Variants in ABHD17B observed in about 807,000 individuals in gnomAD.
ABHD17B encodes abhydrolase domain containing 17B, depalmitoylase, also known as alpha/beta hydrolase domain-containing protein 17B.
ABHD17B carries 9 observed loss-of-function variants against 26.2 expected under a neutral mutation model. The ratio of observed to expected loss-of-function variants is 0.34; its 90% CI spans 0.21 to 0.60. The LOEUF (loss-of-function observed/expected upper bound fraction) is 0.60. ABHD17B is among the 20% of genes least tolerant of loss of function. The pLI is 0.80. For synonymous variants in ABHD17B, 127 were observed against 122.3 expected, an observed-to-expected ratio of 1.04 and a Z score of -0.25; for missense variants, 224 against 352.1, an observed-to-expected ratio of 0.64 and a Z score of 2.91.
chr9:71,884,634 GAAA>G (rs752668193), intron 1 of ABHD17B, among the ~76,000 whole-genome samples: 2 of 131,534 alleles, frequency 1.5e-5, no homozygotes, highest in Admixed American at 7.7e-5. Flanking sequence ...AGGTTGAAGG[GAAA>G]AAAAAAAAAA....
At chr9:71,896,068 T>C (rs1013076677) in intron 1 of ABHD17B, among the ~76,000 whole-genome samples, 6 of 152,226 alleles carry the variant, frequency 3.9e-5, no homozygotes, top group African/African-American at 1.2e-4. Context: ...TATCTTAATT[T>C]CTATTCAGAA....
intron 1 of ABHD17B, among the ~76,000 whole-genome samples, chr9:71,903,364 C>T (rs1035316539): frequency 4.6e-5 from 7 of 152,018 alleles, no homozygotes; most frequent in African/African-American, 1.4e-4. Flanking sequence ...CAACAATCTA[C>T]GTATTTTTGC....
chr9:71,866,292 C>G lies in ABHD17B; in HGVS notation c.*495G>C. On this transcript the variant is annotated 3_prime_UTR_variant, in exon 4 of 4. Coordinates refer to ENST00000333421, the MANE Select transcript of ABHD17B (RefSeq NM_001025780.3). ...ACTTTAAACCTCTATCCCTGTACAACAGGGTTTAGGTTAATTCTAGTGAAC... is the reference window on the plus strand; with the variant it reads ...ACTTTAAACCTCTATCCCTGTACAAGAGGGTTTAGGTTAATTCTAGTGAAC... 1.0e-6 allele frequency: 1 copy of G among 987,746 alleles called. No individual in the cohort carries two copies. The highest frequency in any genetic ancestry group is 1.2e-6 in the Non-Finnish European group (1 of 830,888). 61.2% of individuals were successfully genotyped at this position (987,746 alleles called of 1,614,324 possible). A position where few individuals can be genotyped will look rare whatever the true frequency, so the allele number is the denominator to read the frequency against.
At chr9:71,897,991 C>T (rs1335798174) in intron 1 of ABHD17B, among the ~76,000 whole-genome samples, 1 of 152,068 alleles carries the variant, frequency 6.6e-6, no homozygotes, top group Non-Finnish European at 1.5e-5. Context: ...TCTTTTCATA[C>T]ATTTTTTTTC....
chr9:71,889,349 A>G (rs1404390475), intron 1 of ABHD17B, among the ~76,000 whole-genome samples: 3 of 151,926 alleles, frequency 2.0e-5, no homozygotes, highest in East Asian at 1.9e-4. Flanking sequence ...CGCATGTTAC[A>G]CTATTTTTTA....
In ABHD17B at chr9:71,870,182, T is replaced by C. The variant is rs770016937; in HGVS notation, c.548A>G (p.Tyr183Cys). 1.9e-6 allele frequency: 3 copies of C among 1,614,108 alleles called. No individual in the cohort carries two copies. The highest frequency in any genetic ancestry group is 2.5e-6 in the Non-Finnish European group (3 of 1,179,972). The change falls in exon 3 of 4, where the codon TAT (tyrosine) becomes TGT (cysteine). Residue 183 changes from tyrosine to cysteine, a missense_variant. By Grantham distance (194) the Tyr-to-Cys change is radical. Coordinates refer to ENST00000333421, the MANE Select transcript of ABHD17B (RefSeq NM_001025780.3). ...TVPSVDLAARYESAAVILHSP... is the reference protein window; with the variant it reads ...TVPSVDLAARCESAAVILHSP... The stretch of plus-strand genomic sequence containing the variant: ...ATGAAGAATAACAGCAGCACTCTCA[T>C]ATCGAGCAGCAAGATCCACAGACGG...
chr9:71,903,069 C>A (rs376919157), intron 1 of ABHD17B, among the ~76,000 whole-genome samples: 1 of 152,082 alleles, frequency 6.6e-6, no homozygotes, highest in East Asian at 1.9e-4. Flanking sequence ...AAATCCTACC[C>A]TTTTAATGTG....
chr9:71,862,892 G>A (rs1408366804), downstream of ABHD17B, among the ~76,000 whole-genome samples: 2 of 151,916 alleles, frequency 1.3e-5, no homozygotes, highest in Non-Finnish European at 2.9e-5. Flanking sequence ...TCCCACCTCA[G>A]ACTCTTAAGT....
At chr9:71,881,132 TTGGC>T (rs1451644387) in intron 1 of ABHD17B, among the ~76,000 whole-genome samples, 5 of 152,190 alleles carry the variant, frequency 3.3e-5, no homozygotes, top group African/African-American at 1.2e-4. Context: ...CAGAATGCTA[TTGGC>T]ATAAGGACAA....
intron 1 of ABHD17B, among the ~76,000 whole-genome samples, chr9:71,890,466 C>T (rs1219598239): frequency 1.3e-5 from 2 of 152,184 alleles, no homozygotes; most frequent in African/African-American, 4.8e-5. Context: ...TAATCATATA[C>T]CATTATTGCT....
intron 1 of ABHD17B, among the ~76,000 whole-genome samples, chr9:71,894,283 T>TA (rs1256266719): frequency 2.6e-5 from 4 of 152,156 alleles, no homozygotes; most frequent in Non-Finnish European, 4.4e-5. Flanking sequence ...ACAAAATAGA[T>TA]ACTATAACCA....
At chr9:71,875,832 G>A (rs1826258791) in intron 1 of ABHD17B, among the ~76,000 whole-genome samples, 1 of 152,168 alleles carries the variant, frequency 6.6e-6, no homozygotes. Context: ...CTATTTGTCA[G>A]GCATTGTGCC....
intron 1 of ABHD17B, chr9:71,902,350 G>A (rs536127721): frequency 6.6e-6 from 1 of 152,246 alleles, no homozygotes; most frequent in Non-Finnish European, 1.5e-5. Context: ...TACCCTAGGG[G>A]TTTGTATCAG....
rs377444855 is a variant in ABHD17B, at chr9:71,866,922, G to A, written c.732C>T (p.Leu244=). 45 of 1,613,986 alleles carry A rather than the reference G, an allele frequency of 2.8e-5. No individual in the cohort carries two copies. The highest frequency in any genetic ancestry group is 6.7e-5 in the East Asian group (3 of 44,888). ...GTCTTTGGCAACGTTCAAACAATGC[G>A]AGGCCATGTGAAAAGTCAATGACTT... The part of the protein sequence containing the change: ...EDEVIDFSHG[L]ALFERCQRPV... The change falls in exon 4 of 4, where the codon CTC becomes CTT. Residue 244 remains leucine, a synonymous_variant. Coordinates refer to ENST00000333421, the MANE Select transcript of ABHD17B (RefSeq NM_001025780.3).
chr9:71,887,610 T>A (rs1277639031), intron 1 of ABHD17B, among the ~76,000 whole-genome samples: 1 of 152,210 alleles, frequency 6.6e-6, no homozygotes, highest in African/African-American at 2.4e-5. Context: ...ATAGTATGAA[T>A]ATTTCTTTCA....
chr9:71,862,643 C>T (rs1171952048), downstream of ABHD17B: 1 of 920,806 alleles, frequency 1.1e-6, no homozygotes, highest in Middle Eastern at 2.1e-4. Context: ...ATCATCTCTG[C>T]AGTTTTCATA....
intron 1 of ABHD17B, among the ~76,000 whole-genome samples, chr9:71,894,066 C>T (rs1455305895): frequency 3.7e-4 from 41 of 111,402 alleles, no homozygotes; most frequent in Non-Finnish European, 4.3e-4. Context: ...CCAGCCTGGG[C>T]GACAGAGCGA....
At chr9:71,904,548 T>C (rs1292473783) in intron 1 of ABHD17B, among the ~76,000 whole-genome samples, 1 of 152,106 alleles carries the variant, frequency 6.6e-6, no homozygotes, top group Non-Finnish European at 1.5e-5. Context: ...TAATAAAAAG[T>C]GGTGAAAAGA....
At chr9:71,869,466 AGAGTAG>A (rs1013445205) in intron 3 of ABHD17B, among the ~76,000 whole-genome samples, 2 of 152,184 alleles carry the variant, frequency 1.3e-5, no homozygotes, top group Non-Finnish European at 2.9e-5. Flanking sequence ...CCAACTATGA[AGAGTAG>A]GTGGGAACTA....
Sources: gnomAD v4.1 joint callset for allele counts (sites outside exome capture counted in the v4.1 genomes callset) on GRCh38, gnomAD v4.1.1 for gene constraint, MANE v1.5 for transcripts, NCBI Gene and HGNC (gene_info 2026-07-23, HGNC 2026-07-21) for gene names.